FAM168A: variants seen among roughly 807,000 people sequenced by gnomAD.
The protein encoded by FAM168A is protein FAM168A.
In FAM168A, 3 loss-of-function variants were observed where a neutral mutation model predicts 28.5. The ratio of observed to expected loss-of-function variants is 0.11; its 90% CI spans 0.05 to 0.27. The LOEUF (loss-of-function observed/expected upper bound fraction) is 0.27, where lower values mean the gene tolerates loss of function less well. FAM168A is among the 10% of genes least tolerant of loss of function. The pLI, the probability that FAM168A is intolerant of heterozygous loss-of-function variation, is 1.00. For synonymous variants in FAM168A, 122 were observed against 124.2 expected, an observed-to-expected ratio of 0.98 and a Z score of 0.12; for missense variants, 222 against 311.5, an observed-to-expected ratio of 0.71 and a Z score of 2.16.
chr11:73,492,215 T>C (rs1868137162), intron 1 of FAM168A, among the ~76,000 whole-genome samples: 1 of 152,146 alleles, frequency 6.6e-6, no homozygotes, highest in Non-Finnish European at 1.5e-5. Context: ...AGAAGATGGC[T>C]GAGGCAAGAA....
chr11:73,425,634 G>A (rs760059774), intron 3 of FAM168A, among the ~76,000 whole-genome samples: 2 of 152,174 alleles, frequency 1.3e-5, no homozygotes, highest in Non-Finnish European at 2.9e-5. Context: ...AGGCTGGAAT[G>A]CAGTGGTGCA....
chr11:73,512,181 A>G (rs1190699815), intron 1 of FAM168A, among the ~76,000 whole-genome samples: 2 of 152,228 alleles, frequency 1.3e-5, no homozygotes, highest in Non-Finnish European at 1.5e-5. Flanking sequence ...TAATAAATGC[A>G]TAACAACAAA....
At chr11:73,497,343 T>C (rs1472614377) in intron 1 of FAM168A, among the ~76,000 whole-genome samples, 1 of 151,922 alleles carries the variant, frequency 6.6e-6, no homozygotes, top group East Asian at 1.9e-4. Context: ...CGCGCGCCTG[T>C]AGTCTCAGCT....
intron 1 of FAM168A, chr11:73,580,266 G>A (rs1190953843): frequency 5.4e-6 from 3 of 555,856 alleles, no homozygotes; most frequent in Non-Finnish European, 1.1e-5. Flanking sequence ...CCCAAGAAAG[G>A]CTGAAGGGGA....
rs749118513 is a variant in FAM168A at position 73,407,582 on chromosome 11, T to G, written c.657A>C (p.Thr219=). The G allele has an allele frequency of 4.4e-6, 7 of 1,609,132 alleles. No individual in the cohort carries two copies. In the South Asian group the frequency reaches 6.6e-5, roughly 15 times the overall value. The part of the protein sequence containing the change: ...AIGAHPVSMP[T]YRAQGTPAYS... The stretch of plus-strand genomic sequence containing the variant: ...ACGCAGGGGTTCCTTGGGCCCTATA[T>G]GTTGGCATGGAGACAGGGTGTGCCC... Residue 219 remains threonine (T), a synonymous_variant, in exon 7 of 8, where the codon ACA becomes ACC. Transcript: ENST00000356467.
chr11:73,542,552 G>A (rs1943671050), intron 1 of FAM168A, among the ~76,000 whole-genome samples: 1 of 152,088 alleles, frequency 6.6e-6, no homozygotes, highest in Admixed American at 6.5e-5. Context: ...TATTGTAACA[G>A]CCCCTGCTTC....
At chr11:73,462,010 A>G (rs1399653620) in intron 2 of FAM168A, among the ~76,000 whole-genome samples, 1 of 152,224 alleles carries the variant, frequency 6.6e-6, no homozygotes, top group African/African-American at 2.4e-5. Context: ...TTTATAAACC[A>G]CAAGGGAGTA....
intron 1 of FAM168A, among the ~76,000 whole-genome samples, chr11:73,565,902 A>T (rs1301086538): frequency 6.6e-6 from 1 of 152,206 alleles, no homozygotes; most frequent in Non-Finnish European, 1.5e-5. Flanking sequence ...TTAATTATGG[A>T]GGAAAACTTC....
chr11:73,492,059 C>A (rs769894177), intron 1 of FAM168A, among the ~76,000 whole-genome samples: 3 of 152,132 alleles, frequency 2.0e-5, no homozygotes, highest in Non-Finnish European at 4.4e-5. Flanking sequence ...CATGGAGAGT[C>A]AGGGCTGGTA....
chr11:73,533,831 G>C (rs971411736), intron 1 of FAM168A, among the ~76,000 whole-genome samples: 2 of 152,204 alleles, frequency 1.3e-5, no homozygotes, highest in Middle Eastern at 3.4e-3. Context: ...TAAACTTTTG[G>C]GGGGAGTGCT....
intron 4 of FAM168A, among the ~76,000 whole-genome samples, chr11:73,413,398 C>T (rs923568434): frequency 3.9e-5 from 6 of 152,322 alleles, no homozygotes; most frequent in African/African-American, 9.6e-5. Context: ...GGAAGTGCAA[C>T]TATGAGCTGA....
chr11:73,506,355 C>T (rs1021010082), intron 1 of FAM168A, among the ~76,000 whole-genome samples: 7 of 151,316 alleles, frequency 4.6e-5, no homozygotes, highest in Non-Finnish European at 7.4e-5. Flanking sequence ...GCTCCAGTGG[C>T]GCAATCAGTT....
intron 1 of FAM168A, among the ~76,000 whole-genome samples, chr11:73,580,845 T>C (rs1211850037): frequency 6.6e-6 from 1 of 152,196 alleles, no homozygotes; most frequent in Non-Finnish European, 1.5e-5. Context: ...AAAAACAAAT[T>C]TGTTTTTATG....
intron 1 of FAM168A, among the ~76,000 whole-genome samples, chr11:73,535,303 C>T (rs1192611408): frequency 6.6e-6 from 1 of 152,022 alleles, no homozygotes; most frequent in East Asian, 1.9e-4. Flanking sequence ...TTTAGTGGCA[C>T]AATCACAGCT....
At chr11:73,409,723 C>T in intron 5 of FAM168A, 62 bp from the exon 6 acceptor site, 2 of 1,506,924 alleles carry the variant, frequency 1.3e-6, no homozygotes, top group Admixed American at 2.1e-5. Flanking sequence ...ATGGAGAGAG[C>T]AGCACTGGCT....
intron 1 of FAM168A, among the ~76,000 whole-genome samples, chr11:73,561,173 G>A (rs1179430918): frequency 2.0e-5 from 3 of 151,848 alleles, no homozygotes; most frequent in Non-Finnish European, 2.9e-5. Flanking sequence ...TCGGGAGTTC[G>A]AGATCAGCCT....
At chr11:73,452,385 T>C (rs1029969746) in intron 2 of FAM168A, 5 of 152,608 alleles carry the variant, frequency 3.3e-5, no homozygotes, top group African/African-American at 9.6e-5. Context: ...GGGAGCTGAG[T>C]TGTGCCCTGT....
intron 1 of FAM168A, among the ~76,000 whole-genome samples, chr11:73,576,538 T>A (rs1051717256): frequency 6.6e-6 from 1 of 152,110 alleles, no homozygotes; most frequent in Non-Finnish European, 1.5e-5. Flanking sequence ...AAGCAGTAAT[T>A]TCTAGGAAAT....
intron 2 of FAM168A, among the ~76,000 whole-genome samples, chr11:73,459,879 ATTTTTTTTTT>A (rs918564469): frequency 9.2e-6 from 1 of 108,456 alleles, no homozygotes; most frequent in African/African-American, 4.0e-5. Context: ...ATCCAAATGA[ATTTTTTTTTT>A]TTTTTTTTTT....
Sources: allele counts gnomAD v4.1 joint callset (sites outside exome capture counted in the v4.1 genomes callset), GRCh38; gene constraint gnomAD v4.1.1; transcripts MANE v1.5; gene names NCBI Gene and HGNC (gene_info 2026-07-23, HGNC 2026-07-21).